The following TVP23A variants were observed in gnomAD, a reference collection of about 807,000 sequenced individuals.
TVP23A encodes Golgi apparatus membrane protein TVP23 homolog A.
In TVP23A, 21 loss-of-function variants were observed where a neutral mutation model predicts 31.7. The observed-to-expected ratio is 0.66, with a 90% CI of 0.47 to 0.95. The LOEUF (loss-of-function observed/expected upper bound fraction) is 0.95, where lower values mean the gene tolerates loss of function less well. TVP23A is among the 40% of genes least tolerant of loss of function. The pLI, the probability that TVP23A is intolerant of heterozygous loss-of-function variation, is 0.00. For synonymous variants in TVP23A, 104 were observed against 96.0 expected (o/e 1.08, Z -0.49); for missense variants, 279 against 255.6 (o/e 1.09, Z -0.62).
intron 7 of TVP23A, among the ~76,000 whole-genome samples, 188 bp downstream of exon 7, chr16:10,770,084 G>T (rs1378730648): frequency 6.6e-6 from 1 of 152,000 alleles, no homozygotes; most frequent in Non-Finnish European, 1.5e-5. Context: ...AGCTCCTCAC[G>T]CCAAGAGCAA....
downstream of TVP23A, chr16:10,758,090 T>C (rs926880831): frequency 6.4e-7 from 1 of 1,566,524 alleles, no homozygotes; most frequent in African/African-American, 1.3e-5. Context: ...ATTTCTTTCC[T>C]ACCTGGCTCT....
Position 10,818,582 on chromosome 16 carries a change from T to G in TVP23A, c.-89A>C. 1 of 1,504,540 alleles carries G rather than the reference T, an allele frequency of 6.6e-7. No individual in the cohort carries two copies. Among genetic ancestry groups the G allele is most frequent in the Non-Finnish European group, 8.9e-7 (1 of 1,125,236 alleles). 93.2% of individuals were successfully genotyped at this position (1,504,540 alleles called of 1,614,324 possible). On this transcript the variant is annotated 5_prime_UTR_variant, in exon 1 of 8. Transcript: ENST00000299866. The surrounding 1 kb of genome is among the most constrained non-coding windows in gnomAD (Gnocchi z 4.7). Reference sequence around the variant, plus strand: ...AGGGGTCGGACGCCGGGCGGGCGGATGTAGGCAGCAGACGGTGGACGCTGA... The same window carrying G: ...AGGGGTCGGACGCCGGGCGGGCGGAGGTAGGCAGCAGACGGTGGACGCTGA...
chr16:10,797,942 A>ATTTT (rs1272625692), intron 2 of TVP23A, among the ~76,000 whole-genome samples: 1 of 137,184 alleles, frequency 7.3e-6, no homozygotes, highest in African/African-American at 2.7e-5. Flanking sequence ...TATAGTAAAT[A>ATTTT]TTTTTTCTTT....
rs560954222 is a variant in TVP23A at position 10,788,732 on chromosome 16, G to A, written c.90-13636C>T. On this transcript the variant is annotated intron_variant, in intron 2 of 7. Coordinates refer to ENST00000299866, the MANE Select transcript of TVP23A (RefSeq NM_001079512.4). ...GGAAAGGGAGACAGTATGTCATACT[G>A]TAGTAGTAGCGGTTTAAATGAATCT... 2.0e-4 allele frequency among the ~76,000 whole-genome samples: 31 copies of A among 152,320 alleles called. No homozygotes were observed. In the South Asian group the frequency reaches 6.0e-3, roughly 30 times the overall value.
intron 2 of TVP23A, among the ~76,000 whole-genome samples, chr16:10,816,228 C>CAAAAAAAAAAAAA (rs760801777): frequency 2.3e-4 from 17 of 73,832 alleles, no homozygotes; most frequent in African/African-American, 6.0e-4. Flanking sequence ...AACCCTATCT[C>CAAAAAAAAAAAAA]AAAAAAAAAA....
rs563998337 is a variant in TVP23A, at chr16:10,776,115, C to T, written c.90-1019G>A. 5.9e-5 allele frequency among the ~76,000 whole-genome samples: 9 copies of T among 151,712 alleles called. No individual in the cohort carries two copies. In the South Asian group the frequency reaches 1.9e-3, roughly 32 times the overall value. ...ATAGGCCAGGCACGGTGGCTCACAC[C>T]TGTAATGCCAGCACATTGGGAGGCC... On this transcript the variant is annotated intron_variant, in intron 2 of 7. Transcript: ENST00000299866.
downstream of TVP23A, among the ~76,000 whole-genome samples, chr16:10,762,372 G>A (rs879532327): frequency 7.2e-5 from 11 of 152,326 alleles, no homozygotes; most frequent in Non-Finnish European, 1.5e-4. Flanking sequence ...TCTTAAGTAC[G>A]TGGGTCTCCC....
chr16:10,792,075 A>G (rs2033136317), intron 2 of TVP23A, among the ~76,000 whole-genome samples: 1 of 152,136 alleles, frequency 6.6e-6, no homozygotes, highest in South Asian at 2.1e-4. Context: ...TAAATCAGAC[A>G]CCACCTCCTC....
intron 2 of TVP23A, among the ~76,000 whole-genome samples, chr16:10,811,257 T>C (rs1274656639): frequency 2.0e-5 from 3 of 152,092 alleles, no homozygotes; most frequent in African/African-American, 7.2e-5. Flanking sequence ...GGAATGTGAA[T>C]TATATTTCTT....
rs976302875 is a variant in TVP23A at position 10,779,960 on chromosome 16, C to A, written c.90-4864G>T. Among the ~76,000 whole-genome samples, 1 of 151,898 alleles carries A rather than the reference C, an allele frequency of 6.6e-6. No individual in the cohort carries two copies. Among genetic ancestry groups the A allele is most frequent in the Non-Finnish European group, 1.5e-5 (1 of 67,992 alleles). On this transcript the variant is annotated intron_variant, in intron 2 of 7. Transcript: ENST00000299866. This position sits in a 1 kb window ranked among gnomAD's most constrained non-coding sequence, Gnocchi z 4.9. The stretch of plus-strand genomic sequence containing the variant: ...AAAAATTAGCGGGTGTGGTGGTGCA[C>A]GCCTATAATTCCAGCTACTCGGGAG...
chr16:10,768,031 GAGTA>G lies in TVP23A; in HGVS notation c.*1067_*1070del, dbSNP rs770156675. The G allele has an allele frequency of 6.8e-6, 11 of 1,613,724 alleles. No homozygotes were observed. The highest frequency in any genetic ancestry group is 2.7e-5 in the African/African-American group (2 of 74,896). ...CGTTAGCCTACAGAAGTATAATTCA[GAGTA>G]AGTATTTCCATGAGTACTAAATGCA... On this transcript the variant is annotated 3_prime_UTR_variant, in exon 8 of 8. Coordinates refer to ENST00000299866, the MANE Select transcript of TVP23A (RefSeq NM_001079512.4). The surrounding 1 kb of genome is among the most constrained non-coding windows in gnomAD (Gnocchi z 4.3).
At chr16:10,782,623 C>A (rs2032492509) in intron 2 of TVP23A, among the ~76,000 whole-genome samples, 1 of 152,154 alleles carries the variant, frequency 6.6e-6, no homozygotes, top group South Asian at 2.1e-4. Context: ...CCATGTCAGC[C>A]TTCCAAGTAG....
intron 5 of TVP23A, among the ~76,000 whole-genome samples, chr16:10,772,279 G>C (rs1186912567): frequency 6.6e-6 from 1 of 152,212 alleles, no homozygotes; most frequent in African/African-American, 2.4e-5. Context: ...CACAGAGCTG[G>C]AGCGTGGTCG....
downstream of TVP23A, among the ~76,000 whole-genome samples, chr16:10,759,665 A>G (rs1338780525): frequency 6.6e-6 from 1 of 152,136 alleles, no homozygotes; most frequent in Non-Finnish European, 1.5e-5. This position sits in a 1 kb window ranked among gnomAD's most constrained non-coding sequence, Gnocchi z 4.7. Context: ...AATCCCAGCT[A>G]CTTGGGAGGC....
chr16:10,810,269 C>T (rs2034134886), intron 2 of TVP23A, among the ~76,000 whole-genome samples: 1 of 151,996 alleles, frequency 6.6e-6, no homozygotes, highest in South Asian at 2.1e-4. Flanking sequence ...GAAGATCCAC[C>T]CTCATGCAGT....
At chr16:10,785,337 G>T (rs2032689553) in intron 2 of TVP23A, among the ~76,000 whole-genome samples, 1 of 152,058 alleles carries the variant, frequency 6.6e-6, no homozygotes, top group Admixed American at 6.6e-5. Context: ...TGGGGAGGTG[G>T]AGGTTGCAGT....
At chr16:10,772,508 T>C (rs2031701942) in intron 5 of TVP23A, among the ~76,000 whole-genome samples, 1 of 152,124 alleles carries the variant, frequency 6.6e-6, no homozygotes, top group Admixed American at 6.5e-5. Flanking sequence ...TAGCTGAGAT[T>C]ACAGGCGTGT....
chr16:10,817,818 C>G (rs117145594), intron 2 of TVP23A, among the ~76,000 whole-genome samples: 4 of 152,268 alleles, frequency 2.6e-5, no homozygotes, highest in Non-Finnish European at 4.4e-5. Flanking sequence ...AGGCAAGTGG[C>G]CTTCTCTAGT....
At chr16:10,776,149 C>T (rs1050142406) in intron 2 of TVP23A, among the ~76,000 whole-genome samples, 10 of 151,278 alleles carry the variant, frequency 6.6e-5, no homozygotes, top group South Asian at 2.1e-4. Flanking sequence ...CCGAGGCGGG[C>T]GGATCACCTG....
Sources: allele counts gnomAD v4.1 joint callset (sites outside exome capture counted in the v4.1 genomes callset), GRCh38; gene constraint gnomAD v4.1.1; non-coding constraint Gnocchi (gnomAD v3.1); transcripts MANE v1.5; gene names NCBI Gene and HGNC (gene_info 2026-07-23, HGNC 2026-07-21).